Variants in NRXN2 observed in about 807,000 individuals in gnomAD.
NRXN2 encodes the protein neurexin-2-beta.
A neutral mutation model predicts 128.8 loss-of-function variants in NRXN2; 29 were observed. The observed-to-expected ratio is 0.23, with a 90% CI of 0.17 to 0.31. The LOEUF (loss-of-function observed/expected upper bound fraction) is 0.31. NRXN2 is among the 10% of genes least tolerant of loss of function. The probability of loss-of-function intolerance (pLI) is 1.00; values close to 1 mark genes in which losing one functional copy is unlikely to be tolerated. For synonymous variants in NRXN2, 1,098 were observed against 1,075.2 expected (o/e 1.02, Z -0.41); for missense variants, 1,881 against 2,452.6 (o/e 0.77, Z 4.92).
chr11:64,712,792 C>A (rs1015106627), intron 2 of NRXN2, 178 bp downstream of exon 2: 9 of 689,728 alleles, frequency 1.3e-5, no homozygotes, highest in Admixed American at 4.2e-5. Flanking sequence ...CCACCGCCAA[C>A]CCCACGCGCC....
At chr11:64,668,634 C>CA in intron 7 of NRXN2, 30 bp from the exon 8 acceptor site, 1 of 1,611,630 alleles carries the variant, frequency 6.2e-7, no homozygotes, top group South Asian at 1.1e-5. Context: ...GGGAGAAAGA[C>CA]AGGAGACAAC....
Position 64,661,089 on chromosome 11 carries a change from T to G in NRXN2, c.1849A>C (p.Ser617Arg). The G allele has an allele frequency of 6.2e-7, 1 of 1,613,554 alleles. No individual in the cohort carries two copies. The highest frequency in any genetic ancestry group is 8.5e-7 in the Non-Finnish European group (1 of 1,180,024). Residue 617 changes from serine to arginine, a missense_variant, in exon 10 of 23, where the codon AGC becomes CGC. By Grantham distance (110) the Ser-to-Arg change is moderately radical. Transcript: ENST00000265459. ...RSTPFLATGD[S>R]EILDLESELY... Reference sequence around the variant, plus strand: ...TCACTCTCCAGGTCCAGAATCTCGCTGTCTCCAGTGGCCAAGAACGGCGTG... The same window carrying G: ...TCACTCTCCAGGTCCAGAATCTCGCGGTCTCCAGTGGCCAAGAACGGCGTG...
At chr11:64,665,064 T>G (rs2049624152) in intron 9 of NRXN2, among the ~76,000 whole-genome samples, 1 of 150,104 alleles carries the variant, frequency 6.7e-6, no homozygotes, top group South Asian at 2.1e-4. Flanking sequence ...GGGCGGATCA[T>G]GAGGTCAAGA....
chr11:64,690,788 G>A (rs2053701405), intron 4 of NRXN2, among the ~76,000 whole-genome samples: 1 of 152,108 alleles, frequency 6.6e-6, no homozygotes, highest in South Asian at 2.1e-4. Context: ...CCCCACAGCA[G>A]GCAAACAGGC....
intron 6 of NRXN2, among the ~76,000 whole-genome samples, chr11:64,681,273 G>A (rs934737449): frequency 3.9e-5 from 6 of 151,914 alleles, no homozygotes; most frequent in Non-Finnish European, 7.4e-5. Flanking sequence ...AGACCAAATG[G>A]ATCAGAAAAA....
chr11:64,653,039 C>A (rs1354256034), intron 12 of NRXN2, among the ~76,000 whole-genome samples: 1 of 152,174 alleles, frequency 6.6e-6, no homozygotes, highest in African/African-American at 2.4e-5. Flanking sequence ...TGTGCTCCCC[C>A]ATGTGACCCC....
At chr11:64,642,777 C>G (rs2135419155) in intron 17 of NRXN2, 1 of 1,177,324 alleles carries the variant, frequency 8.5e-7, no homozygotes, top group African/African-American at 1.6e-5. Flanking sequence ...GCGGGCACCC[C>G]CCCGGCCCGC....
At chr11:64,702,971 TAAAAAAAAAAAA>T (rs557268486) in intron 2 of NRXN2, among the ~76,000 whole-genome samples, 4 of 51,136 alleles carry the variant, frequency 7.8e-5, no homozygotes, top group Admixed American at 2.3e-4. Flanking sequence ...CCCAGGTCTC[TAAAAAAAAAAAA>T]AAAAAAAAAA....
intron 7 of NRXN2, among the ~76,000 whole-genome samples, chr11:64,670,762 C>G (rs2050527944): frequency 6.6e-6 from 1 of 152,140 alleles, no homozygotes; most frequent in South Asian, 2.1e-4. Flanking sequence ...GAACCTAATA[C>G]CTAAGGAGCC....
At chr11:64,636,728 T>C (rs947434299) in intron 17 of NRXN2, among the ~76,000 whole-genome samples, 3 of 151,900 alleles carry the variant, frequency 2.0e-5, no homozygotes, top group Non-Finnish European at 2.9e-5. Flanking sequence ...AGTCAGGAAC[T>C]AGGAGCCTGC....
intron 2 of NRXN2, among the ~76,000 whole-genome samples, chr11:64,702,369 G>T (rs1341093737): frequency 1.3e-5 from 2 of 152,152 alleles, no homozygotes; most frequent in East Asian, 3.9e-4. Flanking sequence ...GGGGGGAAAG[G>T]TGGGGAAAAG....
At chr11:64,662,876 T>C (rs911133675) in intron 9 of NRXN2, among the ~76,000 whole-genome samples, 1 of 150,932 alleles carries the variant, frequency 6.6e-6, no homozygotes, top group African/African-American at 2.4e-5. Flanking sequence ...ACATCCTAGT[T>C]AGAAAAAAAA....
rs1440003257 is a variant in NRXN2 at position 64,635,726 on chromosome 11, C to T, written c.3404-274G>A. 6.6e-6 allele frequency among the ~76,000 whole-genome samples: 1 copy of T among 152,124 alleles called. No homozygotes were observed. The highest frequency in any genetic ancestry group is 2.1e-4 in the South Asian group (1 of 4,828). On this transcript the variant is annotated intron_variant, in intron 17 of 22. Coordinates refer to ENST00000265459, the MANE Select transcript of NRXN2 (RefSeq NM_015080.4). The surrounding 1 kb of genome is among the most constrained non-coding windows in gnomAD (Gnocchi z 4.8). ...AAAATAGAGAGGTAATAGAGTGACACAGAGAGAGAGCCCAGAGAGAAGCTG... is the reference window on the plus strand; with the variant it reads ...AAAATAGAGAGGTAATAGAGTGACATAGAGAGAGAGCCCAGAGAGAAGCTG...
chr11:64,608,300 T>TG (rs1217582942), intron 22 of NRXN2, among the ~76,000 whole-genome samples: 1 of 152,144 alleles, frequency 6.6e-6, no homozygotes. Flanking sequence ...GCACGGGCTC[T>TG]GTGACTCTCT....
chr11:64,665,923 AAAG>A, intron 9 of NRXN2, among the ~76,000 whole-genome samples: 1 of 152,338 alleles, frequency 6.6e-6, no homozygotes, highest in Admixed American at 6.5e-5. Flanking sequence ...AATGAAGGGT[AAAG>A]AAGAGAGTGG....
At chr11:64,641,039 C>T (rs2045583786) in intron 17 of NRXN2, among the ~76,000 whole-genome samples, 1 of 152,036 alleles carries the variant, frequency 6.6e-6, no homozygotes, top group African/African-American at 2.4e-5. Flanking sequence ...GAGAGAAGTG[C>T]AGACATGGGA....
chr11:64,607,931 C>T lies in NRXN2; in HGVS notation c.4404G>A (p.Ala1468=). ...ACGGGCCCCCAGAGGGCGGGCGGCG[C>T]GCGGCGGGCGGGGGCAGCGTGTCTT... ...ATQDTLPPPA[A]RRPPSGGPCQ... The change falls in exon 23 of 23, where the codon GCG becomes GCA. Residue 1468 remains alanine, a synonymous_variant. Coordinates refer to ENST00000265459, the MANE Select transcript of NRXN2 (RefSeq NM_015080.4). The T allele has an allele frequency of 6.7e-7, 1 of 1,496,878 alleles. No individual in the cohort carries two copies. The allele number at this position is 1,496,878 out of a possible 1,614,324, so 92.7% of individuals were successfully genotyped here.
At chr11:64,612,354 A>G (rs1442375992) in intron 22 of NRXN2, among the ~76,000 whole-genome samples, 1 of 152,188 alleles carries the variant, frequency 6.6e-6, no homozygotes, top group African/African-American at 2.4e-5. Flanking sequence ...TAGGAGCCAG[A>G]GGAGTCTGAT....
At chr11:64,676,677 A>C (rs1024926666) in intron 7 of NRXN2, 2 of 475,904 alleles carry the variant, frequency 4.2e-6, no homozygotes, top group Admixed American at 7.2e-5. Context: ...ACCAGAGCCG[A>C]TGAACATGGG....
Sources: gnomAD v4.1 joint callset for allele counts (sites outside exome capture counted in the v4.1 genomes callset) on GRCh38, gnomAD v4.1.1 for gene constraint, Gnocchi (gnomAD v3.1) non-coding constraint, MANE v1.5 for transcripts, NCBI Gene and HGNC (gene_info 2026-07-23, HGNC 2026-07-21) for gene names.